The following TPM1 variants were observed in gnomAD, a reference collection of about 807,000 sequenced individuals.
TPM1 encodes tropomyosin 1.
TPM1 carries 24 observed loss-of-function variants against 42.9 expected under a neutral mutation model. The ratio of observed to expected loss-of-function variants is 0.56; its 90% CI spans 0.41 to 0.79. TPM1 has a LOEUF of 0.79. TPM1 is among the 30% of genes least tolerant of loss of function. The pLI, the probability that TPM1 is intolerant of heterozygous loss-of-function variation, is 0.00. For synonymous variants in TPM1, 136 were observed against 130.1 expected (o/e 1.05, Z -0.31); for missense variants, 158 against 351.8 (o/e 0.45, Z 4.41).
downstream of TPM1, among the ~76,000 whole-genome samples, chr15:63,066,692 T>A (rs892366261): frequency 7.9e-5 from 12 of 152,250 alleles, no homozygotes; most frequent in African/African-American, 2.9e-4. Context: ...CAAGCTTTTT[T>A]GAAGTATATT....
chr15:63,070,348 C>T (rs1312247023), downstream of TPM1: 5 of 992,022 alleles, frequency 5.0e-6, no homozygotes, highest in Non-Finnish European at 6.0e-6. Context: ...ATCAGATACT[C>T]ATATTCCTAA....
At chr15:63,062,352 T>G in intron 7 of TPM1, 75 bp downstream of exon 7, 1 of 1,491,896 alleles carries the variant, frequency 6.7e-7, no homozygotes, top group South Asian at 1.1e-5. Flanking sequence ...CAGGGCCTTT[T>G]CATTTTAAAG....
rs1371734350 is a variant in TPM1 at position 63,057,092 on chromosome 15, T to C, written c.348T>C (p.Ala116=). 1.4e-5 allele frequency: 23 copies of C among 1,614,210 alleles called. No individual in the cohort carries two copies. Among genetic ancestry groups the C allele is most frequent in the Non-Finnish European group, 1.9e-5 (23 of 1,180,032 alleles). ...CAGCTTTGCAGAAGCTGGAGGAAGC[T>C]GAGAAGGCAGCAGATGAGAGTGAGA... The part of the protein sequence containing the change: ...LATALQKLEE[A]EKAADESERG... Residue 116 remains alanine (A), a synonymous_variant, in exon 3 of 10, where the codon GCT becomes GCC. Coordinates refer to ENST00000403994, the MANE Select transcript of TPM1 (RefSeq NM_001018005.2).
chr15:63,071,008 A>G, downstream of TPM1: 1 of 1,603,354 alleles, frequency 6.2e-7, no homozygotes, highest in Middle Eastern at 1.7e-4. Flanking sequence ...TTTGTGATTG[A>G]TGTTTGCCTG....
chr15:63,057,185 G>C (rs1377120257), intron 3 of TPM1, 67 bp downstream of exon 3: 16 of 1,606,464 alleles, frequency 1.0e-5, no homozygotes, highest in African/African-American at 1.3e-5. Flanking sequence ...GAGGGCTCCT[G>C]TGATCTTTGA....
At position 63,062,059 on chromosome 15, in the gene TPM1, G is replaced by A. The variant is rs1021916939; in HGVS notation, c.640-156G>A. 5.4e-6 allele frequency: 4 copies of A among 738,858 alleles called. No homozygotes were observed. In the South Asian group the frequency reaches 6.1e-5, roughly 11 times the overall value. 45.8% of individuals were successfully genotyped at this position (738,858 alleles called of 1,614,324 possible). A position where few individuals can be genotyped will look rare whatever the true frequency, so the allele number is the denominator to read the frequency against. ...ATGTAAAACAATAGGCAAGAAAGCA[G>A]AGAATGTATTGCAGTGTGCCATTTG... On this transcript the variant is annotated intron_variant, in intron 6 of 9. Coordinates refer to ENST00000403994, the MANE Select transcript of TPM1 (RefSeq NM_001018005.2).
chr15:63,062,391 A>G, intron 7 of TPM1, 114 bp downstream of exon 7: 2 of 1,331,032 alleles, frequency 1.5e-6, no homozygotes, highest in Non-Finnish European at 2.1e-6. Context: ...GGAATATTCA[A>G]AGGTCGCCTT....
intron 3 of TPM1, among the ~76,000 whole-genome samples, chr15:63,058,287 C>G (rs2035098657): frequency 6.6e-6 from 1 of 152,098 alleles, no homozygotes; most frequent in Non-Finnish European, 1.5e-5. Context: ...CATTTAGTCC[C>G]TTAGTTTTAC....
intron 3 of TPM1, 53 bp downstream of exon 3, chr15:63,057,171 A>T: frequency 6.2e-7 from 1 of 1,611,138 alleles, no homozygotes; most frequent in Admixed American, 1.7e-5. Context: ...GGTGGAATAA[A>T]CCGGAGGGCT....
At chr15:63,063,920 C>A in intron 8 of TPM1, 144 bp from the exon 9 acceptor site, 1 of 1,211,044 alleles carries the variant, frequency 8.3e-7, no homozygotes, top group Non-Finnish European at 1.1e-6. Context: ...CTGCATTGGC[C>A]ACCTGCTGCG....
At chr15:63,070,971 G>A (rs898146916), downstream of TPM1, 55 of 1,556,066 alleles carry the variant, frequency 3.5e-5, no homozygotes, top group Non-Finnish European at 4.4e-5. Flanking sequence ...TTACAAGCAT[G>A]CCTAGTTCTA....
At chr15:63,048,334 T>G (rs1484124906) in intron 2 of TPM1, 19 of 1,075,580 alleles carry the variant, frequency 1.8e-5, no homozygotes, top group Non-Finnish European at 2.1e-5. Flanking sequence ...CCCCAGCCAG[T>G]CCCGGGATCC....
chr15:63,066,873 A>T (rs1328671958), downstream of TPM1, among the ~76,000 whole-genome samples: 2 of 145,482 alleles, frequency 1.4e-5, no homozygotes, highest in Admixed American at 7.2e-5. Context: ...GGACATTTTT[A>T]AAATATAGCA....
intron 2 of TPM1, among the ~76,000 whole-genome samples, chr15:63,050,641 T>C (rs1485180631): frequency 1.2e-4 from 18 of 152,392 alleles, no homozygotes; most frequent in Middle Eastern, 3.4e-3. Flanking sequence ...TCAATTTTTT[T>C]AAGTAATCTT....
intron 1 of TPM1, chr15:63,043,215 G>A: frequency 3.8e-6 from 2 of 530,102 alleles, no homozygotes; most frequent in Non-Finnish European, 6.8e-6. Flanking sequence ...CTCAGGACTG[G>A]GAATCAGTTT....
At chr15:63,070,645 A>G (rs2036556497), downstream of TPM1, 11 of 1,003,298 alleles carry the variant, frequency 1.1e-5, no homozygotes, top group African/African-American at 1.7e-5. Context: ...AAACCTATTT[A>G]TGTCATCTTT....
At chr15:63,066,302 C>A (rs571184843), downstream of TPM1, 4 of 653,880 alleles carry the variant, frequency 6.1e-6, no homozygotes, top group Non-Finnish European at 8.2e-6. Flanking sequence ...GGCCTGCATT[C>A]CCTCTCAGAG....
intron 4 of TPM1, 62 bp from the exon 5 acceptor site, chr15:63,060,807 G>C: frequency 6.3e-7 from 1 of 1,579,276 alleles, no homozygotes; most frequent in East Asian, 2.2e-5. Flanking sequence ...CTACCCCCAT[G>C]CCCTTCTGTT....
rs775604378 is a variant in TPM1, at chr15:63,065,980, C to T, written c.*81C>T. 1.1e-5 allele frequency: 17 copies of T among 1,580,546 alleles called. No individual in the cohort carries two copies. Among genetic ancestry groups the T allele is most frequent in the Non-Finnish European group, 1.5e-5 (17 of 1,162,580 alleles). ...TCTGAGCTCTGCATTTGTCTATTCT[C>T]CAGCTGACCCTGGTTCTCTCTCTTA... is the stretch of plus-strand genomic sequence containing the variant. On this transcript the variant is annotated 3_prime_UTR_variant, in exon 10 of 10. Coordinates refer to ENST00000403994, the MANE Select transcript of TPM1 (RefSeq NM_001018005.2).
Sources: allele counts gnomAD v4.1 joint callset (sites outside exome capture counted in the v4.1 genomes callset), GRCh38; gene constraint gnomAD v4.1.1; transcripts MANE v1.5; gene names NCBI Gene and HGNC (gene_info 2026-07-23, HGNC 2026-07-21).